The following AP4E1 variants were observed in gnomAD, a reference collection of about 807,000 sequenced individuals.
AP4E1 encodes AP-4 complex subunit epsilon-1.
AP4E1 carries 56 observed loss-of-function variants against 128.2 expected under a neutral mutation model. That is an observed-to-expected ratio of 0.44 (90% CI 0.35 to 0.55). AP4E1 has a LOEUF of 0.55. Among genes scored for constraint, AP4E1 ranks in the 20% least tolerant of loss-of-function variants. The pLI is 0.00. For missense variants in AP4E1, 1,324 were observed against 1,307.7 expected, an observed-to-expected ratio of 1.01 and a Z score of -0.19; for synonymous variants, 484 against 473.1, an observed-to-expected ratio of 1.02 and a Z score of -0.30.
At position 50,974,530 on chromosome 15, in the gene AP4E1, G is replaced by A. The variant is rs76182772; in HGVS notation, c.1966+6153G>A. Among the ~76,000 whole-genome samples the A allele has an allele frequency of 9.0e-3, 1,376 of 152,146 alleles. 11 individuals are homozygous for A. The highest frequency in any genetic ancestry group is 0.012 in the Non-Finnish European group (830 of 67,968). On this transcript the variant is annotated intron_variant, in intron 15 of 20. Coordinates refer to ENST00000261842, the MANE Select transcript of AP4E1 (RefSeq NM_007347.5). ...GATCCTCCTACCTTGACGTTGCAAAGCACTGGGATTATAGGCATGAGCCAC... is the reference window on the plus strand; with the variant it reads ...GATCCTCCTACCTTGACGTTGCAAAACACTGGGATTATAGGCATGAGCCAC...
At chr15:50,954,068 A>C (rs946806999) in intron 13 of AP4E1, among the ~76,000 whole-genome samples, 1 of 152,234 alleles carries the variant, frequency 6.6e-6, no homozygotes. Flanking sequence ...CCAAATGTAT[A>C]TACAAATACA....
chr15:51,000,237 G>C (rs970328302), intron 19 of AP4E1, among the ~76,000 whole-genome samples: 1 of 150,560 alleles, frequency 6.6e-6, no homozygotes, highest in Admixed American at 6.6e-5. Context: ...GACCTCCCAG[G>C]CTCAATTGAT....
chr15:50,924,555 A>C (rs1274590244), intron 4 of AP4E1, among the ~76,000 whole-genome samples: 1 of 151,076 alleles, frequency 6.6e-6, no homozygotes, highest in Non-Finnish European at 1.5e-5. Flanking sequence ...TTTTTGATAG[A>C]GAGAGAGAAC....
chr15:50,910,720 A>G (rs553878802), intron 1 of AP4E1, among the ~76,000 whole-genome samples: 8 of 152,302 alleles, frequency 5.3e-5, no homozygotes, highest in Admixed American at 6.5e-5. Context: ...CAGTGGTGCA[A>G]TCTTGGCTCA....
At chr15:50,947,514 C>A (rs531162268) in intron 10 of AP4E1, among the ~76,000 whole-genome samples, 1 of 152,212 alleles carries the variant, frequency 6.6e-6, no homozygotes, top group South Asian at 2.1e-4. Context: ...AGTCTTTGTC[C>A]ATCCAAACAA....
At chr15:50,909,041 G>A in intron 1 of AP4E1, 113 bp downstream of exon 1, 1 of 1,491,674 alleles carries the variant, frequency 6.7e-7, no homozygotes, top group Non-Finnish European at 9.0e-7. Flanking sequence ...CTCCGGCGGG[G>A]CTCAGGGGCT....
At chr15:50,951,266 C>T (rs1174672827) in intron 13 of AP4E1, among the ~76,000 whole-genome samples, 1 of 152,160 alleles carries the variant, frequency 6.6e-6, no homozygotes, top group Non-Finnish European at 1.5e-5. Context: ...TGGTTGTTGG[C>T]AGAATTCATT....
intron 2 of AP4E1, among the ~76,000 whole-genome samples, chr15:50,913,264 G>A (rs1452417649): frequency 6.6e-6 from 1 of 152,208 alleles, no homozygotes; most frequent in Non-Finnish European, 1.5e-5. Context: ...GTGTATACAT[G>A]TATGTGTGTC....
rs768466286 is a variant in AP4E1, at chr15:50,997,434, A to G, written c.2455A>G (p.Ser819Gly). The G allele has an allele frequency of 5.0e-6, 8 of 1,613,624 alleles. No homozygotes were observed. The South Asian group carries it at 7.7e-5, about 16-fold the overall frequency. Reference sequence around the variant, plus strand: ...TCATAATATGACCTGTTCTTCCTTTAGTTCTTTGTCAAATGTGGCATATGA... The same window carrying G: ...TCATAATATGACCTGTTCTTCCTTTGGTTCTTTGTCAAATGTGGCATATGA... Reference protein sequence around the residue: ...STHNMTCSSFSSLSNVAYEDD... With the variant: ...STHNMTCSSFGSLSNVAYEDD... The change falls in exon 18 of 21, where the codon AGT becomes GGT. Residue 819 changes from serine to glycine, a missense_variant. By Grantham distance (56) the Ser-to-Gly change is moderately conservative. Coordinates refer to ENST00000261842, the MANE Select transcript of AP4E1 (RefSeq NM_007347.5).
chr15:50,957,819 G>C (rs1389145238), intron 13 of AP4E1, among the ~76,000 whole-genome samples: 1 of 151,658 alleles, frequency 6.6e-6, no homozygotes, highest in African/African-American at 2.4e-5. Context: ...TGAGACTCTA[G>C]GCGTGTGCCA....
At chr15:50,943,738 G>A (rs1176297026) in intron 10 of AP4E1, among the ~76,000 whole-genome samples, 1 of 152,100 alleles carries the variant, frequency 6.6e-6, no homozygotes, top group Non-Finnish European at 1.5e-5. Flanking sequence ...ATTGAACCAT[G>A]TATATATTTA....
At chr15:50,952,144 G>A (rs2064158644) in intron 13 of AP4E1, among the ~76,000 whole-genome samples, 1 of 152,106 alleles carries the variant, frequency 6.6e-6, no homozygotes, top group Non-Finnish European at 1.5e-5. Flanking sequence ...CAGACACTGT[G>A]ACACTTCACT....
chr15:50,935,430 G>C (rs1254701656), intron 8 of AP4E1, among the ~76,000 whole-genome samples: 1 of 150,154 alleles, frequency 6.7e-6, no homozygotes, highest in African/African-American at 2.5e-5. Flanking sequence ...TTGAGGGAAG[G>C]GGGTAGAAAA....
chr15:50,966,464 C>G (rs7181081), intron 14 of AP4E1, among the ~76,000 whole-genome samples: 29,489 of 150,804 alleles, frequency 0.2, 2,877 homozygotes, highest in South Asian at 0.23. Context: ...TAGGGAGTAA[C>G]TACACTTCCG....
Position 50,923,941 on chromosome 15 carries a change from T to G in AP4E1, c.357T>G (p.Ala119=). 6.2e-7 allele frequency: 1 copy of G among 1,611,742 alleles called. No individual in the cohort carries two copies. The highest frequency in any genetic ancestry group is 8.5e-7 in the Non-Finnish European group (1 of 1,178,232). The change falls in exon 4 of 21, where the codon GCT becomes GCG. Residue 119 remains alanine (A), a synonymous_variant. Coordinates refer to ENST00000261842, the MANE Select transcript of AP4E1 (RefSeq NM_007347.5). ...NLLEKRVGYL[A]VSLFLHESHE... is the part of the protein sequence containing the mutation. ...CCTCAACTTTTATAGGTTATTTGGCTGTTTCCTTATTTCTACATGAAAGTC... is the reference window on the plus strand; with the variant it reads ...CCTCAACTTTTATAGGTTATTTGGCGGTTTCCTTATTTCTACATGAAAGTC...
intron 15 of AP4E1, among the ~76,000 whole-genome samples, chr15:50,982,601 A>T (rs1245841831): frequency 6.6e-6 from 1 of 152,202 alleles, no homozygotes. Flanking sequence ...TGAATTCTTC[A>T]CTTTACAGAT....
chr15:50,997,916 A>G lies in AP4E1; in HGVS notation c.2904+33A>G, dbSNP rs1404940591. 3 of 1,529,850 alleles carry G rather than the reference A, an allele frequency of 2.0e-6. No homozygotes were observed. In the African/African-American group the frequency reaches 4.1e-5, roughly 21 times the overall value. The allele number at this position is 1,529,850 out of a possible 1,614,324, so 94.8% of individuals were successfully genotyped here. A position where few individuals can be genotyped will look rare whatever the true frequency, so the allele number is the denominator to read the frequency against. On this transcript the variant is annotated intron_variant, in intron 18 of 20. Coordinates refer to ENST00000261842, the MANE Select transcript of AP4E1 (RefSeq NM_007347.5). ...TTAAAGGTATTATTGTTTTATTTTC[A>G]GTGTATATTTTGTGTTCTCTTTTCC...
intron 5 of AP4E1, among the ~76,000 whole-genome samples, chr15:50,925,524 G>T (rs1353563457): frequency 6.6e-6 from 1 of 152,066 alleles, no homozygotes; most frequent in Non-Finnish European, 1.5e-5. Flanking sequence ...GTTGGTTGAA[G>T]CTCCTTAGTT....
In AP4E1 at chr15:50,999,169, G is replaced by A; in HGVS notation, c.3002G>A (p.Gly1001Glu). The change falls in exon 19 of 21, where the codon GGA (glycine) becomes GAA (glutamate). Residue 1001 changes from glycine to glutamate, a missense_variant. Coordinates refer to ENST00000261842, the MANE Select transcript of AP4E1 (RefSeq NM_007347.5). ...CAGATAGAAAAACCTTTTACAGAAG[G>A]AAATCTTACTGGTTTTATTAGTTAT... The part of the protein sequence containing the change: ...SVQIEKPFTE[G>E]NLTGFISYHM... 1 of 1,613,848 alleles carries A rather than the reference G, an allele frequency of 6.2e-7. No individual in the cohort carries two copies. Among genetic ancestry groups the A allele is most frequent in the South Asian group, 1.1e-5 (1 of 91,058 alleles).
Sources: gnomAD v4.1 joint callset for allele counts (sites outside exome capture counted in the v4.1 genomes callset) on GRCh38, gnomAD v4.1.1 for gene constraint, MANE v1.5 for transcripts, NCBI Gene and HGNC (gene_info 2026-07-23, HGNC 2026-07-21) for gene names.